The following RPS6KC1 variants were observed in gnomAD, a reference collection of about 807,000 sequenced individuals.
RPS6KC1 encodes the protein ribosomal protein S6 kinase C1.
RPS6KC1 carries 54 observed loss-of-function variants against 103.8 expected under a neutral mutation model. The observed-to-expected ratio is 0.52, with a 90% CI of 0.42 to 0.65. RPS6KC1 has a LOEUF of 0.65. Among genes scored for constraint, RPS6KC1 ranks in the 30% least tolerant of loss-of-function variants. The pLI, the probability that RPS6KC1 is intolerant of heterozygous loss-of-function variation, is 0.00. For synonymous variants in RPS6KC1, 439 were observed against 438.7 expected (o/e 1.00, Z -0.01); for missense variants, 1,151 against 1,253.8 (o/e 0.92, Z 1.24).
At chr1:213,392,958 T>G in the RPS6KC1 span, among the ~76,000 whole-genome samples, 2 of 152,230 alleles carry the variant, frequency 1.3e-5, no homozygotes, top group African/African-American at 4.8e-5. Flanking sequence ...GAGAAATATG[T>G]GTGAAATTCA....
rs1266624250 is a variant in RPS6KC1 at position 213,259,913 on chromosome 1, A to G, written c.2912-1645A>G. On this transcript the variant is annotated intron_variant, in intron 12 of 14. Coordinates refer to ENST00000366960, the MANE Select transcript of RPS6KC1 (RefSeq NM_012424.6). ...GCCACCATGCATGGCTAATTTTTGT[A>G]TTTTTAATAGAGATGGGGTTTCGCC... Among the ~76,000 whole-genome samples, 6 of 151,686 alleles carry G rather than the reference A, an allele frequency of 4.0e-5. No individual in the cohort carries two copies. The East Asian group carries it at 9.8e-4, about 25-fold the overall frequency.
chr1:213,194,884 TC>T (rs1204617564), intron 8 of RPS6KC1, among the ~76,000 whole-genome samples: 1 of 152,176 alleles, frequency 6.6e-6, no homozygotes, highest in Non-Finnish European at 1.5e-5. Flanking sequence ...AGAGTTGTCT[TC>T]CATGAAACTG....
At chr1:213,437,450 C>T in the RPS6KC1 span, among the ~76,000 whole-genome samples, 3,398 of 151,880 alleles carry the variant, frequency 0.022, 59 homozygotes, top group Middle Eastern at 0.041. Context: ...AAGAGATAAC[C>T]GCTTGTTTTT....
At chr1:213,551,739 G>A in the RPS6KC1 span, among the ~76,000 whole-genome samples, 1 of 152,050 alleles carries the variant, frequency 6.6e-6, no homozygotes, top group Non-Finnish European at 1.5e-5. Context: ...TTTACGCCGG[G>A]GTTCTTTCTT....
chr1:213,707,199 C>T, the RPS6KC1 span, among the ~76,000 whole-genome samples: 3 of 152,174 alleles, frequency 2.0e-5, no homozygotes, highest in African/African-American at 4.8e-5. Flanking sequence ...TCCACATCCT[C>T]TCCAGCATCT....
At chr1:213,336,078 A>T in the RPS6KC1 span, among the ~76,000 whole-genome samples, 1 of 152,244 alleles carries the variant, frequency 6.6e-6, no homozygotes, top group Non-Finnish European at 1.5e-5. Flanking sequence ...GAGTCAAGTT[A>T]AAGGGTCTAA....
chr1:213,509,491 C>T, the RPS6KC1 span, among the ~76,000 whole-genome samples: 1 of 152,156 alleles, frequency 6.6e-6, no homozygotes, highest in East Asian at 1.9e-4. Flanking sequence ...AAAGGCTTCC[C>T]TGACTCCTAG....
the RPS6KC1 span, among the ~76,000 whole-genome samples, chr1:213,652,143 T>G: frequency 6.6e-6 from 1 of 152,242 alleles, no homozygotes; most frequent in Non-Finnish European, 1.5e-5. Flanking sequence ...TTGTGTAATT[T>G]ATTGATGAAT....
chr1:213,859,192 T>A, the RPS6KC1 span, among the ~76,000 whole-genome samples: 1 of 152,176 alleles, frequency 6.6e-6, no homozygotes, highest in Middle Eastern at 3.2e-3. Flanking sequence ...AAAGAGAGAA[T>A]CTCACAAGAA....
the RPS6KC1 span, among the ~76,000 whole-genome samples, chr1:213,702,778 C>T: frequency 1.3e-5 from 2 of 150,996 alleles, no homozygotes; most frequent in South Asian, 2.1e-4. Context: ...TTTTCCCATC[C>T]CTTTATTTTC....
the RPS6KC1 span, among the ~76,000 whole-genome samples, chr1:213,839,417 T>C: frequency 6.6e-6 from 1 of 152,224 alleles, no homozygotes; most frequent in East Asian, 1.9e-4. Context: ...CCTTCCTTTC[T>C]GAAGGAGTTT....
the RPS6KC1 span, among the ~76,000 whole-genome samples, chr1:213,327,017 T>C: frequency 6.6e-6 from 1 of 152,126 alleles, no homozygotes; most frequent in Non-Finnish European, 1.5e-5. Flanking sequence ...TCCCAACTTT[T>C]GTTCTTCCTC....
intron 6 of RPS6KC1, among the ~76,000 whole-genome samples, chr1:213,143,861 A>T (rs1269381578): frequency 6.6e-6 from 1 of 151,392 alleles, no homozygotes; most frequent in African/African-American, 2.4e-5. Context: ...GCACATAAAA[A>T]TAACTGTTTT....
the RPS6KC1 span, among the ~76,000 whole-genome samples, chr1:213,856,608 T>C: frequency 2.6e-5 from 4 of 152,240 alleles, no homozygotes; most frequent in African/African-American, 9.6e-5. Context: ...CTACATGCTA[T>C]AAACTACGTT....
At chr1:213,706,246 C>G in the RPS6KC1 span, among the ~76,000 whole-genome samples, 2 of 152,182 alleles carry the variant, frequency 1.3e-5, no homozygotes, top group Non-Finnish European at 2.9e-5. Context: ...GTGAAGCTTG[C>G]AGAACTTAAG....
chr1:213,530,278 A>G, the RPS6KC1 span, among the ~76,000 whole-genome samples: 1 of 152,192 alleles, frequency 6.6e-6, no homozygotes, highest in Middle Eastern at 3.4e-3. Flanking sequence ...ATTTCTTTCC[A>G]ATATTTTGCT....
At chr1:213,266,104 G>A (rs2094906421) in intron 14 of RPS6KC1, among the ~76,000 whole-genome samples, 1 of 152,146 alleles carries the variant, frequency 6.6e-6, no homozygotes, top group Non-Finnish European at 1.5e-5. Flanking sequence ...TTATTGATAG[G>A]ACAGTGACGA....
the RPS6KC1 span, among the ~76,000 whole-genome samples, chr1:213,852,816 G>T: frequency 6.6e-6 from 1 of 152,150 alleles, no homozygotes; most frequent in African/African-American, 2.4e-5. Flanking sequence ...TATCTTAGGG[G>T]CACAGAGAAA....
chr1:213,084,048 A>G (rs57592821), intron 3 of RPS6KC1, among the ~76,000 whole-genome samples: 24,143 of 151,952 alleles, frequency 0.16, 5,082 homozygotes, highest in African/African-American at 0.49. Flanking sequence ...GAACACCTCT[A>G]TACTTTCCAA....
Sources: gnomAD v4.1 joint callset for allele counts (sites outside exome capture counted in the v4.1 genomes callset) on GRCh38, gnomAD v4.1.1 for gene constraint, MANE v1.5 for transcripts, NCBI Gene and HGNC (gene_info 2026-07-23, HGNC 2026-07-21) for gene names.